CNTNAP2: variants seen among roughly 807,000 people sequenced by gnomAD.
CNTNAP2 encodes contactin associated protein 2.
CNTNAP2 carries 98 observed loss-of-function variants against 155.2 expected under a neutral mutation model. The observed-to-expected ratio is 0.63, with a 90% confidence interval of 0.54 to 0.75. The LOEUF (loss-of-function observed/expected upper bound fraction) is 0.75, where lower values mean the gene tolerates loss of function less well. Among genes scored for constraint, CNTNAP2 ranks in the 30% least tolerant of loss-of-function variants. CNTNAP2 has a pLI of 0.00. For missense variants in CNTNAP2, 1,727 were observed against 1,688.1 expected (o/e 1.02, Z -0.40); for synonymous variants, 651 against 631.2 (o/e 1.03, Z -0.47).
intron 3 of CNTNAP2, among the ~76,000 whole-genome samples, chr7:146,951,352 C>T (rs953992373): frequency 6.6e-6 from 1 of 151,930 alleles, no homozygotes; most frequent in Non-Finnish European, 1.5e-5. Flanking sequence ...TGGTGTTTTA[C>T]ATATGAAGAG....
At chr7:146,646,057 TTAAA>T (rs1799806254) in intron 1 of CNTNAP2, among the ~76,000 whole-genome samples, 1 of 152,204 alleles carries the variant, frequency 6.6e-6, no homozygotes, top group African/African-American at 2.4e-5. Flanking sequence ...GTTTCCAACA[TTAAA>T]TTCACATTAA....
chr7:146,300,270 A>C (rs893010484), intron 1 of CNTNAP2, among the ~76,000 whole-genome samples: 1 of 152,208 alleles, frequency 6.6e-6, no homozygotes, highest in Non-Finnish European at 1.5e-5. Context: ...TTTAGTCCAT[A>C]AATTAAATCG....
At chr7:148,150,286 C>A (rs747528300) in intron 17 of CNTNAP2, among the ~76,000 whole-genome samples, 2 of 152,032 alleles carry the variant, frequency 1.3e-5, no homozygotes, top group Non-Finnish European at 2.9e-5. Context: ...CAGTGGCTCA[C>A]GCCCGTAATC....
chr7:146,218,970 ATATAATTTATAGAGGAAAGAG>A (rs1283680696), intron 1 of CNTNAP2, among the ~76,000 whole-genome samples: 1 of 152,168 alleles, frequency 6.6e-6, no homozygotes, highest in Non-Finnish European at 1.5e-5. Flanking sequence ...ATCTGAGACT[ATATAATTTATAGAGGAAAGAG>A]ATTTAATGGA....
intron 12 of CNTNAP2, among the ~76,000 whole-genome samples, chr7:147,618,517 A>G (rs1021525848): frequency 6.6e-6 from 1 of 151,864 alleles, no homozygotes; most frequent in Admixed American, 6.6e-5. Context: ...ACAGGTGTAT[A>G]GGACACATAT....
intron 21 of CNTNAP2, among the ~76,000 whole-genome samples, chr7:148,338,584 T>G (rs1177929): frequency 0.25 from 38,031 of 151,804 alleles, 5,862 homozygotes; most frequent in East Asian, 0.76. Flanking sequence ...TTACTGCTGA[T>G]GAACCAGGAG....
At chr7:148,160,869 C>T (rs1251755874) in intron 17 of CNTNAP2, among the ~76,000 whole-genome samples, 8 of 152,186 alleles carry the variant, frequency 5.3e-5, no homozygotes, top group Non-Finnish European at 1.2e-4. Context: ...CAGATAGTTT[C>T]TTGCCTGTGT....
intron 3 of CNTNAP2, among the ~76,000 whole-genome samples, chr7:146,885,572 A>G (rs1344417211): frequency 6.6e-6 from 1 of 152,202 alleles, no homozygotes; most frequent in Non-Finnish European, 1.5e-5. Flanking sequence ...TGATAATTAT[A>G]GTTAATATAA....
intron 14 of CNTNAP2, among the ~76,000 whole-genome samples, chr7:147,936,594 A>T (rs887031662): frequency 6.6e-6 from 1 of 152,284 alleles, no homozygotes; most frequent in African/African-American, 2.4e-5. Flanking sequence ...ACATGTATTC[A>T]TTTATCCCTC....
chr7:148,136,315 C>T (rs530421896), intron 16 of CNTNAP2, among the ~76,000 whole-genome samples: 4 of 152,032 alleles, frequency 2.6e-5, no homozygotes, highest in East Asian at 1.9e-4. Context: ...GTCATGGGGG[C>T]GGATCCTTCA....
Position 146,668,444 on chromosome 7 carries a change from GTGTGT to G in CNTNAP2, c.98-105826_98-105822del, listed in dbSNP as rs1563180662. On this transcript the variant is annotated intron_variant, in intron 1 of 23. Transcript: ENST00000361727. ...GTAATTTTCCTGTGTGTGTGTGTGT[GTGTGT>G]GTGTGTGTGTGTGTGTGTGTGTGTC... Among the ~76,000 whole-genome samples, 12 of 149,864 alleles carry G rather than the reference GTGTGT, an allele frequency of 8.0e-5. No individual in the cohort carries two copies. The East Asian group carries it at 2.1e-3, about 27-fold the overall frequency.
chr7:146,453,686 A>T (rs929118981), intron 1 of CNTNAP2, among the ~76,000 whole-genome samples: 2 of 152,216 alleles, frequency 1.3e-5, no homozygotes, highest in African/African-American at 4.8e-5. Flanking sequence ...CCATATATTC[A>T]AGAAGTGAGA....
intron 1 of CNTNAP2, among the ~76,000 whole-genome samples, chr7:146,201,205 G>GA (rs974158816): frequency 6.6e-6 from 1 of 151,560 alleles, no homozygotes; most frequent in Non-Finnish European, 1.5e-5. Context: ...TTAATGAAAA[G>GA]AAAAAAAAGC....
intron 9 of CNTNAP2, among the ~76,000 whole-genome samples, chr7:147,354,277 T>C (rs1161157688): frequency 1.3e-5 from 2 of 152,168 alleles, no homozygotes; most frequent in Non-Finnish European, 2.9e-5. Context: ...AGGTCTTATG[T>C]TTAAGTCTTT....
rs537497491 is a variant in CNTNAP2 at position 147,483,078 on chromosome 7, AATTAT to A, written c.1671-2855_1671-2851del. 3.0e-4 allele frequency among the ~76,000 whole-genome samples: 45 copies of A among 151,990 alleles called. No individual in the cohort carries two copies. The East Asian group carries it at 8.5e-3, about 29-fold the overall frequency. On this transcript the variant is annotated intron_variant, in intron 10 of 23. Transcript: ENST00000361727. ...TAAATTAATAAATAATAAAAATAAG[AATTAT>A]AAGAAAGAAAAATATTAAAATTGTA...
At chr7:147,384,904 C>T (rs1796600556) in intron 9 of CNTNAP2, among the ~76,000 whole-genome samples, 1 of 152,178 alleles carries the variant, frequency 6.6e-6, no homozygotes, top group Admixed American at 6.5e-5. Context: ...AGTCTCTTTT[C>T]ACACTGCTGA....
rs568453009 is a variant in CNTNAP2, at chr7:146,536,323, G to A, written c.98-237948G>A. On this transcript the variant is annotated intron_variant, in intron 1 of 23. Transcript: ENST00000361727. ...CATAGAAGAGAGCAGCTGAGAGTAA[G>A]CATTAGTTCCACATCATTAATATGA... Among the ~76,000 whole-genome samples, 18 of 152,098 alleles carry A rather than the reference G, an allele frequency of 1.2e-4. No individual in the cohort carries two copies. In the South Asian group the frequency reaches 3.5e-3, roughly 30 times the overall value.
chr7:148,025,546 T>C (rs1339911419), intron 15 of CNTNAP2, among the ~76,000 whole-genome samples: 6 of 152,204 alleles, frequency 3.9e-5, no homozygotes, highest in African/African-American at 1.4e-4. Context: ...CTATACTCAA[T>C]GCATTGACTT....
chr7:146,665,795 AAAAT>A (rs1800182950), intron 1 of CNTNAP2, among the ~76,000 whole-genome samples: 1 of 148,374 alleles, frequency 6.7e-6, no homozygotes, highest in Non-Finnish European at 1.5e-5. Flanking sequence ...AAAAAAAAAA[AAAAT>A]ACATTTTGTA....
Sources: gnomAD v4.1 joint callset for allele counts (sites outside exome capture counted in the v4.1 genomes callset) on GRCh38, gnomAD v4.1.1 for gene constraint, MANE v1.5 for transcripts, NCBI Gene and HGNC (gene_info 2026-07-23, HGNC 2026-07-21) for gene names.